UFC1: variants seen among roughly 807,000 people sequenced by gnomAD.
UFC1 encodes ubiquitin-fold modifier conjugating enzyme 1.
A neutral mutation model predicts 28.0 loss-of-function variants in UFC1; 22 were observed. The ratio of observed to expected loss-of-function variants is 0.78; its 90% CI spans 0.56 to 1.12. The LOEUF (loss-of-function observed/expected upper bound fraction) is 1.12, where lower values mean the gene tolerates loss of function less well. Ranked by LOEUF, UFC1 falls within the 50% of genes most tolerant of loss-of-function variation. The probability of loss-of-function intolerance (pLI) is 0.00; values close to 1 mark genes in which losing one functional copy is unlikely to be tolerated. For missense variants in UFC1, 189 were observed against 207.8 expected, an observed-to-expected ratio of 0.91 and a Z score of 0.56; for synonymous variants, 61 against 74.5, an observed-to-expected ratio of 0.82 and a Z score of 0.93.
rs532077007 is a variant in UFC1 at position 161,153,996 on chromosome 1, A to G, written c.-2A>G. On this transcript the variant is annotated 5_prime_UTR_variant, in exon 1 of 6. Transcript: ENST00000368003. ...CGCGTTTCTCTTGCGCCCTGGTCCA[A>G]GATGGCGGATGAAGCCACGCGACGT... The G allele has an allele frequency of 9.9e-6, 16 of 1,614,164 alleles. No individual in the cohort carries two copies. In the East Asian group the frequency reaches 3.3e-4, roughly 34 times the overall value.
rs141531837 is a variant in UFC1, at chr1:161,157,677, A to T, written c.316A>T (p.Thr106Ser). ...TGCAGTTCCTGAGCTGGATGGAAAGACAGCAAAGATGTACAGGTAGGACTG... is the reference window on the plus strand; with the variant it reads ...TGCAGTTCCTGAGCTGGATGGAAAGTCAGCAAAGATGTACAGGTAGGACTG... ...EIAVPELDGK[T>S]AKMYRGGKIC... is the part of the protein sequence containing the mutation. The change falls in exon 4 of 6, where the codon ACA (threonine) becomes TCA (serine). Residue 106 changes from threonine (T) to serine (S), a missense_variant. By Grantham distance (58) the Thr-to-Ser change is moderately conservative. Coordinates refer to ENST00000368003, the MANE Select transcript of UFC1 (RefSeq NM_016406.4). 1 of 1,614,060 alleles carries T rather than the reference A, an allele frequency of 6.2e-7. No individual in the cohort carries two copies. Among genetic ancestry groups the T allele is most frequent in the Non-Finnish European group, 8.5e-7 (1 of 1,179,904 alleles).
At chr1:161,156,501 TGCACTCCA>T in intron 1 of UFC1, among the ~76,000 whole-genome samples, 1 of 134,064 alleles carries the variant, frequency 7.5e-6, no homozygotes, top group Non-Finnish European at 1.5e-5. Context: ...ATTGCGCCAC[TGCACTCCA>T]GTCTGGGTGA....
In UFC1 at chr1:161,158,461, T is replaced by G; in HGVS notation, c.473T>G (p.Val158Gly). Residue 158 changes from valine to glycine, a missense_variant, in exon 6 of 6, where the codon GTC (valine) becomes GGC (glycine). Coordinates refer to ENST00000368003, the MANE Select transcript of UFC1 (RefSeq NM_016406.4). ...ATCCCTGATCTGATTCAGAAGGGCG[T>G]CATCCAACACAAAGAGAAATGCAAC... Reference protein sequence around the residue: ...VEIPDLIQKGVIQHKEKCNQ With the variant: ...VEIPDLIQKGGIQHKEKCNQ 1 of 1,614,142 alleles carries G rather than the reference T, an allele frequency of 6.2e-7. No individual in the cohort carries two copies. The highest frequency in any genetic ancestry group is 8.5e-7 in the Non-Finnish European group (1 of 1,180,042).
intron 1 of UFC1, 151 bp from the exon 2 acceptor site, chr1:161,156,799 G>A (rs1294186693): frequency 1.9e-5 from 12 of 627,208 alleles, no homozygotes; most frequent in South Asian, 1.5e-4. Flanking sequence ...CCCAGATTGC[G>A]CCACTGCACT....
Position 161,157,302 on chromosome 1 carries a change from T to A in UFC1, c.240T>A (p.Phe80Leu). 1 of 1,614,244 alleles carries A rather than the reference T, an allele frequency of 6.2e-7. No individual in the cohort carries two copies. The highest frequency in any genetic ancestry group is 8.5e-7 in the Non-Finnish European group (1 of 1,180,048). ...WYIHDLLKYE[F>L]DIEFDIPITY... ...TCCATGACCTCCTGAAATATGAGTT[T>A]GACATCGAGTTTGACGTGAGTGTGA... The change falls in exon 3 of 6, where the codon TTT (phenylalanine) becomes TTA (leucine). Residue 80 changes from phenylalanine (F) to leucine (L), a missense_variant. Physicochemically the swap from Phe to Leu is conservative, Grantham distance 22 (BLOSUM62 0). Transcript: ENST00000368003.
intron 4 of UFC1, 76 bp downstream of exon 4, chr1:161,157,769 A>G (rs1297896724): frequency 8.2e-7 from 1 of 1,215,360 alleles, no homozygotes; most frequent in African/African-American, 1.5e-5. Context: ...GGAGAGCATC[A>G]GGAAGAATAG....
chr1:161,155,619 G>A (rs766308766), intron 1 of UFC1, among the ~76,000 whole-genome samples: 6 of 152,194 alleles, frequency 3.9e-5, no homozygotes, highest in South Asian at 2.1e-4. Context: ...TAATCTCAGC[G>A]AAACAAAAGG....
rs79571955 is a variant in UFC1 at position 161,155,048 on chromosome 1, C to A, written c.123+928C>A. Among the ~76,000 whole-genome samples the A allele has an allele frequency of 2.9e-4, 44 of 152,012 alleles. No individual in the cohort carries two copies. The East Asian group carries it at 8.5e-3, about 29-fold the overall frequency. On this transcript the variant is annotated intron_variant, in intron 1 of 5. Transcript: ENST00000368003. ...TAGAACCTAGGGAGGAGATACCAAG[C>A]CGAATAAGGAGGAACTTACTGAGGT...
chr1:161,154,246 G>T, intron 1 of UFC1, 126 bp downstream of exon 1: 1 of 1,465,778 alleles, frequency 6.8e-7, no homozygotes. Context: ...TCATAGAAAT[G>T]GGACTATTGT....
intron 1 of UFC1, among the ~76,000 whole-genome samples, chr1:161,156,344 T>A (rs12145282): frequency 6.7e-6 from 1 of 148,570 alleles, no homozygotes; most frequent in South Asian, 2.1e-4. Context: ...TCCTGGCTAA[T>A]ATGGTGAAAC....
In UFC1 at chr1:161,158,155, C is replaced by T. The variant is rs1224133184; in HGVS notation, c.367C>T (p.Pro123Ser). 13 of 1,614,198 alleles carry T rather than the reference C, an allele frequency of 8.1e-6. No individual in the cohort carries two copies. Among genetic ancestry groups the T allele is most frequent in the Non-Finnish European group, 9.3e-6 (11 of 1,180,042 alleles). The change falls in exon 5 of 6, where the codon CCT (proline) becomes TCT (serine). Residue 123 changes from proline to serine, a missense_variant. Pro to Ser is a moderately conservative substitution (Grantham distance 74). Transcript: ENST00000368003. ...GKICLTDHFK[P>S]LWARNVPKFG... The stretch of plus-strand genomic sequence containing the variant: ...AATATGCCTGACGGATCATTTCAAA[C>T]CTTTGTGGGCCAGGAATGTGCCCAA...
rs537048725 is a variant in UFC1 at position 161,157,659 on chromosome 1, C to T, written c.298C>T (p.Pro100Ser). The T allele has an allele frequency of 6.2e-7, 1 of 1,614,054 alleles. No homozygotes were observed. The highest frequency in any genetic ancestry group is 1.7e-5 in the Admixed American group (1 of 60,020). Residue 100 changes from proline to serine, a missense_variant, in exon 4 of 6, where the codon CCT becomes TCT. Physicochemically the swap from Pro to Ser is moderately conservative, Grantham distance 74 (BLOSUM62 -1). Coordinates refer to ENST00000368003, the MANE Select transcript of UFC1 (RefSeq NM_016406.4). ...TACTACTGCCCCAGAAATTGCAGTT[C>T]CTGAGCTGGATGGAAAGACAGCAAA... ...YPTTAPEIAVPELDGKTAKMY... is the reference protein window; with the variant it reads ...YPTTAPEIAVSELDGKTAKMY...
intron 1 of UFC1, 28 bp downstream of exon 1, chr1:161,154,148 G>A: frequency 1.2e-6 from 2 of 1,613,378 alleles, no homozygotes; most frequent in South Asian, 1.1e-5. Context: ...AGTCTAACGC[G>A]TAGCATAAGG....
At chr1:161,154,868 C>T (rs1392041808) in intron 1 of UFC1, among the ~76,000 whole-genome samples, 2 of 152,156 alleles carry the variant, frequency 1.3e-5, no homozygotes, top group African/African-American at 2.4e-5. Flanking sequence ...GAGTTTAGCT[C>T]ATAGTTAGAA....
In UFC1 at chr1:161,158,405, A is replaced by T. The variant is rs1341395353; in HGVS notation, c.424-7A>T. On this transcript the variant is annotated splice_region_variant and splice_polypyrimidine_tract_variant and intron_variant, in intron 5 of 5. Transcript: ENST00000368003. ...AGTAATCTCACAGGATTTTCCTTGT[A>T]TTGCAGCTGGGTCCATGGCTGGCAG... 2.4e-5 allele frequency: 39 copies of T among 1,614,100 alleles called. No individual in the cohort carries two copies. Among genetic ancestry groups the T allele is most frequent in the Non-Finnish European group, 3.2e-5 (38 of 1,180,042 alleles).
chr1:161,155,653 G>A (rs1657486947), intron 1 of UFC1, among the ~76,000 whole-genome samples: 1 of 152,156 alleles, frequency 6.6e-6, no homozygotes, highest in Non-Finnish European at 1.5e-5. Flanking sequence ...GCAGTTGTGA[G>A]GATAGAGAGG....
intron 1 of UFC1, among the ~76,000 whole-genome samples, chr1:161,154,913 G>A (rs970295235): frequency 2.0e-5 from 3 of 152,114 alleles, no homozygotes; most frequent in African/African-American, 7.2e-5. Context: ...TACTGTGGAA[G>A]GTGAGAAAAG....
chr1:161,155,928 GT>G (rs1657492503), intron 1 of UFC1, among the ~76,000 whole-genome samples: 1 of 152,242 alleles, frequency 6.6e-6, no homozygotes, highest in African/African-American at 2.4e-5. Context: ...AAAGGCTGAA[GT>G]TCTGAGGAAA....
intron 1 of UFC1, among the ~76,000 whole-genome samples, chr1:161,156,015 G>T (rs1657494386): frequency 6.6e-6 from 1 of 152,192 alleles, no homozygotes; most frequent in Non-Finnish European, 1.5e-5. Flanking sequence ...TATGAGGCTA[G>T]AAGGGAGTTA....
Sources: allele counts gnomAD v4.1 joint callset (sites outside exome capture counted in the v4.1 genomes callset), GRCh38; gene constraint gnomAD v4.1.1; transcripts MANE v1.5; gene names NCBI Gene and HGNC (gene_info 2026-07-23, HGNC 2026-07-21).